Variants in ITGA9 observed in about 807,000 individuals in gnomAD.
ITGA9 encodes integrin alpha-9.
In ITGA9, 56 loss-of-function variants were observed where a neutral mutation model predicts 127.8. The observed-to-expected ratio is 0.44, with a 90% confidence interval of 0.35 to 0.55. The LOEUF is 0.55. Among genes scored for constraint, ITGA9 ranks in the 20% least tolerant of loss-of-function variants. The probability of loss-of-function intolerance (pLI) is 0.00; values close to 1 mark genes in which losing one functional copy is unlikely to be tolerated. For missense variants in ITGA9, 1,196 were observed against 1,347.1 expected (o/e 0.89, Z 1.76); for synonymous variants, 508 against 514.5 (o/e 0.99, Z 0.17).
At position 37,683,961 on chromosome 3, in the gene ITGA9, C is replaced by T; in HGVS notation, c.2013C>T (p.Ala671=). The T allele has an allele frequency of 6.2e-7, 1 of 1,613,930 alleles. No homozygotes were observed. Among genetic ancestry groups the T allele is most frequent in the Non-Finnish European group, 8.5e-7 (1 of 1,179,872 alleles). Residue 671 remains alanine, a synonymous_variant, in exon 18 of 28, where the codon GCC becomes GCT. Coordinates refer to ENST00000264741, the MANE Select transcript of ITGA9 (RefSeq NM_002207.3). ...ACCTCGGAGATGATGCCTATGATGC[C>T]AACGTGTCCTTCAATGTTTCCCGGG... The part of the protein sequence containing the change: ...ISNLGDDAYD[A]NVSFNVSREL...
At chr3:37,762,218 C>A (rs1345318449) in intron 23 of ITGA9, among the ~76,000 whole-genome samples, 3 of 152,168 alleles carry the variant, frequency 2.0e-5, no homozygotes, top group Non-Finnish European at 4.4e-5. Flanking sequence ...TCAAGGGGAA[C>A]CCTTGGTCTT....
chr3:37,610,672 A>G (rs1367069521), intron 15 of ITGA9, among the ~76,000 whole-genome samples: 3 of 152,212 alleles, frequency 2.0e-5, no homozygotes, highest in African/African-American at 4.8e-5. Flanking sequence ...TTGGTGATCA[A>G]TCAATGTTAG....
chr3:37,762,627 C>T (rs1374765986), intron 23 of ITGA9, among the ~76,000 whole-genome samples: 1 of 152,240 alleles, frequency 6.6e-6, no homozygotes, highest in Non-Finnish European at 1.5e-5. Flanking sequence ...AGATTCTCTA[C>T]AGGTGCAAAA....
chr3:37,780,956 T>C (rs955447528), intron 25 of ITGA9, among the ~76,000 whole-genome samples: 6 of 152,216 alleles, frequency 3.9e-5, no homozygotes, highest in Non-Finnish European at 8.8e-5. Flanking sequence ...TACCAGACCC[T>C]TGCTACTCAA....
intron 17 of ITGA9, among the ~76,000 whole-genome samples, chr3:37,663,639 A>G (rs1368387883): frequency 6.6e-6 from 1 of 152,232 alleles, no homozygotes; most frequent in Non-Finnish European, 1.5e-5. Flanking sequence ...AAGTGGCAGA[A>G]TGGTTAGAAT....
rs139138395 is a variant in ITGA9 at position 37,459,388 on chromosome 3, C to A, written c.185+6829C>A. On this transcript the variant is annotated intron_variant, in intron 1 of 27. Transcript: ENST00000264741. Reference sequence around the variant, plus strand: ...CAGCAGATTTGCTGTCTGGTAAGCACCTGTTTCTTGGTTCATAGATAGTGG... The same window carrying A: ...CAGCAGATTTGCTGTCTGGTAAGCAACTGTTTCTTGGTTCATAGATAGTGG... Among the ~76,000 whole-genome samples, 107 of 152,280 alleles carry A rather than the reference C, an allele frequency of 7.0e-4. 1 individual carries two copies. In the Middle Eastern group the frequency reaches 0.031, roughly 44 times the overall value.
At chr3:37,507,761 A>T (rs2125572860) in intron 7 of ITGA9, among the ~76,000 whole-genome samples, 1 of 152,188 alleles carries the variant, frequency 6.6e-6, no homozygotes, top group Middle Eastern at 3.4e-3. Flanking sequence ...GGCCTTCAGG[A>T]TTTTGCTGGA....
chr3:37,798,658 A>G (rs1047666374), intron 26 of ITGA9, among the ~76,000 whole-genome samples: 3 of 152,252 alleles, frequency 2.0e-5, no homozygotes, highest in African/African-American at 7.2e-5. Flanking sequence ...GACTCTTGCC[A>G]GTAAAGATAA....
chr3:37,538,790 C>G (rs767495110), intron 14 of ITGA9, among the ~76,000 whole-genome samples: 15 of 152,190 alleles, frequency 9.9e-5, no homozygotes, highest in Non-Finnish European at 1.8e-4. Context: ...GTGACTCTTG[C>G]TTTCTTCTAG....
At chr3:37,540,657 C>T (rs2052968736) in intron 14 of ITGA9, among the ~76,000 whole-genome samples, 1 of 152,130 alleles carries the variant, frequency 6.6e-6, no homozygotes, top group Non-Finnish European at 1.5e-5. Flanking sequence ...GCCTCAGTTC[C>T]CTCATCTTAA....
chr3:37,650,801 G>A (rs1009621029), intron 16 of ITGA9, among the ~76,000 whole-genome samples: 1 of 142,518 alleles, frequency 7.0e-6, no homozygotes, highest in South Asian at 2.2e-4. Flanking sequence ...CACTGTTGTC[G>A]CTCTCATTTG....
intron 15 of ITGA9, among the ~76,000 whole-genome samples, chr3:37,554,778 C>T (rs1210876632): frequency 6.6e-6 from 1 of 152,076 alleles, no homozygotes; most frequent in Non-Finnish European, 1.5e-5. Context: ...GCCTGAGTAC[C>T]TAAAAGGATG....
rs531197552 is a variant in ITGA9, at chr3:37,743,977, C to G, written c.2376C>G (p.Asn792Lys). The G allele has an allele frequency of 1.9e-6, 3 of 1,614,200 alleles. No homozygotes were observed. Among genetic ancestry groups the G allele is most frequent in the Admixed American group, 3.3e-5 (2 of 60,026 alleles). Reference protein sequence around the residue: ...FVYGESVDAANFIQLDDLECH... With the variant: ...FVYGESVDAAKFIQLDDLECH... ...ATGGCGAGTCCGTGGACGCAGCCAA[C>G]TTCATTCAGCTGGATGACCTGGAGT... The change falls in exon 22 of 28, where the codon AAC becomes AAG. Residue 792 changes from asparagine (N) to lysine (K), a missense_variant. Asn to Lys is a moderately conservative substitution (Grantham distance 94). Coordinates refer to ENST00000264741, the MANE Select transcript of ITGA9 (RefSeq NM_002207.3).
At chr3:37,800,237 G>A (rs1697221915) in intron 26 of ITGA9, among the ~76,000 whole-genome samples, 1 of 152,202 alleles carries the variant, frequency 6.6e-6, no homozygotes, top group Admixed American at 6.5e-5. Flanking sequence ...AGCCATCTGG[G>A]TTAGCACAGG....
intron 18 of ITGA9, among the ~76,000 whole-genome samples, chr3:37,712,546 A>G (rs1309389493): frequency 2.0e-5 from 3 of 152,178 alleles, no homozygotes; most frequent in Middle Eastern, 3.2e-3. Flanking sequence ...GGGTTTTGCA[A>G]ACTGAAAGTA....
At position 37,518,771 on chromosome 3, in the gene ITGA9, C is replaced by CTTTTTTTTTTTTTTTTTTTTTTTTTT. The variant is rs543297344; in HGVS notation, c.1142-483_1142-458dup. Among the ~76,000 whole-genome samples, 3 of 43,492 alleles carry CTTTTTTTTTTTTTTTTTTTTTTTTTT rather than the reference C, an allele frequency of 6.9e-5. 1 individual carries two copies. Among genetic ancestry groups the CTTTTTTTTTTTTTTTTTTTTTTTTTT allele is most frequent in the African/African-American group, 2.8e-4 (3 of 10,696 alleles). The allele number at this position is 43,492 out of a possible 152,430, so 28.5% of individuals were successfully genotyped here. A position where few individuals can be genotyped will look rare whatever the true frequency, so the allele number is the denominator to read the frequency against. ...GTCAGCTTCTATAGTTTTCACTGTA[C>CTTTTTTTTTTTTTTTTTTTTTTTTTT]TTTTTTTTTTTTTTTTTTTTTTTTT... On this transcript the variant is annotated intron_variant, in intron 10 of 27. Coordinates refer to ENST00000264741, the MANE Select transcript of ITGA9 (RefSeq NM_002207.3).
intron 23 of ITGA9, among the ~76,000 whole-genome samples, chr3:37,769,078 C>T (rs1696812361): frequency 6.6e-6 from 1 of 152,120 alleles, no homozygotes; most frequent in Non-Finnish European, 1.5e-5. Context: ...GTGGCTCACA[C>T]CTGTAATCCC....
intron 15 of ITGA9, among the ~76,000 whole-genome samples, chr3:37,589,759 G>A (rs553002509): frequency 7.2e-5 from 11 of 152,202 alleles, no homozygotes; most frequent in Non-Finnish European, 1.2e-4. Context: ...TGTGTCTAGA[G>A]CAGAATGAGG....
intron 18 of ITGA9, among the ~76,000 whole-genome samples, chr3:37,720,033 C>T (rs1287498570): frequency 6.6e-6 from 1 of 152,158 alleles, no homozygotes; most frequent in African/African-American, 2.4e-5. Context: ...TGACATGGAG[C>T]AGTGCTTCTC....
Sources: gnomAD v4.1 joint callset for allele counts (sites outside exome capture counted in the v4.1 genomes callset) on GRCh38, gnomAD v4.1.1 for gene constraint, MANE v1.5 for transcripts, NCBI Gene and HGNC (gene_info 2026-07-23, HGNC 2026-07-21) for gene names.